GRHL1: variants seen among roughly 807,000 people sequenced by gnomAD.
GRHL1 encodes grainyhead like transcription factor 1.
GRHL1 carries 38 observed loss-of-function variants against 75.7 expected under a neutral mutation model. That is an observed-to-expected ratio of 0.50 (90% CI 0.39 to 0.66). GRHL1 has a LOEUF of 0.66. GRHL1 is among the 30% of genes least tolerant of loss of function. GRHL1 has a pLI of 0.00. For synonymous variants in GRHL1, 266 were observed against 279.4 expected (o/e 0.95, Z 0.48); for missense variants, 589 against 767.5 (o/e 0.77, Z 2.75).
chr2:9,976,648 G>T (rs914520293), intron 8 of GRHL1, among the ~76,000 whole-genome samples: 2 of 152,178 alleles, frequency 1.3e-5, no homozygotes, highest in Non-Finnish European at 2.9e-5. Context: ...GGAGACGTCA[G>T]TGCCAGGGTG....
intron 2 of GRHL1, among the ~76,000 whole-genome samples, chr2:9,958,416 A>G (rs1572334520): frequency 1.3e-5 from 2 of 152,028 alleles, no homozygotes; most frequent in East Asian, 3.9e-4. Flanking sequence ...CTGGGCTCAA[A>G]CAATCCTCCC....
chr2:9,975,054 G>A (rs1667890017), intron 8 of GRHL1, among the ~76,000 whole-genome samples: 1 of 152,224 alleles, frequency 6.6e-6, no homozygotes, highest in Non-Finnish European at 1.5e-5. Flanking sequence ...CCCTCATAGA[G>A]TCGCTGTTGT....
chr2:9,986,416 T>G (rs1288617934), intron 9 of GRHL1, 134 bp downstream of exon 9: 5 of 415,310 alleles, frequency 1.2e-5, no homozygotes, highest in Non-Finnish European at 2.0e-5. Flanking sequence ...TTATTTTTAT[T>G]TATTTATTTA....
chr2:9,977,817 A>G (rs1234213994), intron 8 of GRHL1, among the ~76,000 whole-genome samples: 1 of 152,172 alleles, frequency 6.6e-6, no homozygotes, highest in Non-Finnish European at 1.5e-5. Context: ...TCCCTAAAGA[A>G]TCTCATAGTC....
rs759043047 is a variant in GRHL1, at chr2:10,000,582, C to T, written c.1743-11C>T. On this transcript the variant is annotated splice_polypyrimidine_tract_variant and intron_variant, in intron 15 of 15. Transcript: ENST00000324907. ...CAGTGAAGTTGGTTGGTCTTGTCCC[C>T]CCCCATCCAGGATCCTGGTGAACAT... The T allele has an allele frequency of 1.3e-5, 21 of 1,557,822 alleles. No homozygotes were observed. Among genetic ancestry groups the T allele is most frequent in the Non-Finnish European group, 1.8e-5 (20 of 1,129,744 alleles).
At chr2:9,985,460 T>G (rs1248380260) in intron 8 of GRHL1, among the ~76,000 whole-genome samples, 1 of 152,250 alleles carries the variant, frequency 6.6e-6, no homozygotes, top group Non-Finnish European at 1.5e-5. Flanking sequence ...TGCACTGATA[T>G]TTCCATACCT....
At chr2:9,993,918 A>G (rs145846631) in intron 12 of GRHL1, among the ~76,000 whole-genome samples, 42 of 152,256 alleles carry the variant, frequency 2.8e-4, no homozygotes, top group African/African-American at 1.0e-3. Context: ...ATTTATTGCT[A>G]TCAGTATGAA....
intron 2 of GRHL1, among the ~76,000 whole-genome samples, chr2:9,958,096 C>A (rs568041018): frequency 2.0e-5 from 3 of 151,972 alleles, no homozygotes; most frequent in South Asian, 2.1e-4. Flanking sequence ...GGAAGAGCTC[C>A]GTTGTGTTTT....
At position 9,996,534 on chromosome 2, in the gene GRHL1, C is replaced by T. The variant is rs146815080; in HGVS notation, c.1677+133C>T. 3.7e-4 allele frequency: 247 copies of T among 669,656 alleles called. 1 individual carries two copies. The East Asian group carries it at 6.1e-3, about 16-fold the overall frequency. 41.5% of individuals were successfully genotyped at this position (669,656 alleles called of 1,614,324 possible). On this transcript the variant is annotated intron_variant, in intron 14 of 15. Coordinates refer to ENST00000324907, the MANE Select transcript of GRHL1 (RefSeq NM_198182.3). ...GGAATCCCTGACACCTTTCTCGAGTCGTCGTGCGTCCCACATTTTATCCTC... is the reference window on the plus strand; with the variant it reads ...GGAATCCCTGACACCTTTCTCGAGTTGTCGTGCGTCCCACATTTTATCCTC...
intron 8 of GRHL1, among the ~76,000 whole-genome samples, chr2:9,976,610 T>C (rs924020615): frequency 6.6e-6 from 1 of 152,176 alleles, no homozygotes; most frequent in Non-Finnish European, 1.5e-5. Context: ...AAGCGTATCC[T>C]GCATGCCACC....
At chr2:9,956,379 C>G (rs1667023089) in intron 2 of GRHL1, among the ~76,000 whole-genome samples, 1 of 152,034 alleles carries the variant, frequency 6.6e-6, no homozygotes, top group Non-Finnish European at 1.5e-5. Flanking sequence ...CAGAAATTAG[C>G]CGGTTAGTAC....
intron 7 of GRHL1, chr2:9,965,071 T>G: frequency 2.2e-6 from 1 of 451,022 alleles, no homozygotes; most frequent in Non-Finnish European, 3.9e-6. Flanking sequence ...TGTGACATAA[T>G]GAGATTGAAT....
At chr2:9,984,613 A>G (rs1381078599) in intron 8 of GRHL1, among the ~76,000 whole-genome samples, 3 of 152,170 alleles carry the variant, frequency 2.0e-5, no homozygotes, top group African/African-American at 4.8e-5. Context: ...GGAGCCCAGG[A>G]GAGAAGGGTG....
intron 8 of GRHL1, among the ~76,000 whole-genome samples, chr2:9,978,841 AT>A (rs1474809312): frequency 4.6e-5 from 7 of 152,032 alleles, no homozygotes; most frequent in Non-Finnish European, 1.0e-4. Context: ...AAATACAAAG[AT>A]TAGCCATGTG....
At chr2:9,998,470 G>A (rs374997360) in intron 14 of GRHL1, among the ~76,000 whole-genome samples, 3 of 32,294 alleles carry the variant, frequency 9.3e-5, no homozygotes, top group South Asian at 1.2e-3. Context: ...ATATATATAC[G>A]TATATATATA....
chr2:9,977,763 G>A (rs1045042444), intron 8 of GRHL1, among the ~76,000 whole-genome samples: 1 of 152,210 alleles, frequency 6.6e-6, no homozygotes, highest in Non-Finnish European at 1.5e-5. Flanking sequence ...TGATCCAGGT[G>A]ATGACCTTGA....
At chr2:9,996,825 A>G (rs1205855152) in intron 14 of GRHL1, among the ~76,000 whole-genome samples, 1 of 152,200 alleles carries the variant, frequency 6.6e-6, no homozygotes, top group East Asian at 1.9e-4. Flanking sequence ...ACCTCACTAC[A>G]GCCTATTGCA....
chr2:9,997,777 C>T (rs1306371575), intron 14 of GRHL1, among the ~76,000 whole-genome samples: 1 of 151,508 alleles, frequency 6.6e-6, no homozygotes, highest in Non-Finnish European at 1.5e-5. Flanking sequence ...GAGCTGAGAT[C>T]CCGCCACTGT....
chr2:9,998,861 T>TAC (rs1669123178), intron 14 of GRHL1, 104 bp from the exon 15 acceptor site: 4 of 168,884 alleles, frequency 2.4e-5, no homozygotes, highest in South Asian at 6.7e-5. Flanking sequence ...CACATATATA[T>TAC]ACGTATATAT....
Sources: gnomAD v4.1 joint callset for allele counts (sites outside exome capture counted in the v4.1 genomes callset) on GRCh38, gnomAD v4.1.1 for gene constraint, MANE v1.5 for transcripts, NCBI Gene and HGNC (gene_info 2026-07-23, HGNC 2026-07-21) for gene names.